SEZ6L: variants seen among roughly 807,000 people sequenced by gnomAD.
SEZ6L encodes seizure related 6 homolog like.
SEZ6L carries 37 observed loss-of-function variants against 106.2 expected under a neutral mutation model. That is an observed-to-expected ratio of 0.35 (90% CI 0.27 to 0.46). The LOEUF is 0.46. Among genes scored for constraint, SEZ6L ranks in the 20% least tolerant of loss-of-function variants. The probability of loss-of-function intolerance (pLI) is 1.00; values close to 1 mark genes in which losing one functional copy is unlikely to be tolerated. For missense variants in SEZ6L, 1,172 were observed against 1,332.8 expected (o/e 0.88, Z 1.88); for synonymous variants, 541 against 570.4 (o/e 0.95, Z 0.73).
intron 1 of SEZ6L, among the ~76,000 whole-genome samples, chr22:26,191,612 G>A (rs1444786134): frequency 2.6e-5 from 4 of 152,110 alleles, no homozygotes; most frequent in Admixed American, 2.0e-4. Context: ...AGGAGGGAGA[G>A]CATCAGGAAG....
chr22:26,380,381 G>T lies in SEZ6L; in HGVS notation c.*86G>T. 1 of 1,041,606 alleles carries T rather than the reference G, an allele frequency of 9.6e-7. No homozygotes were observed. The highest frequency in any genetic ancestry group is 1.4e-5 in the South Asian group (1 of 74,028). 64.5% of individuals were successfully genotyped at this position (1,041,606 alleles called of 1,614,324 possible). ...TCCAGAGACCATGTGGCACTTGATT[G>T]AAACCCCAGAATGTCGACTGTCTTT... On this transcript the variant is annotated 3_prime_UTR_variant, in exon 17 of 17. Transcript: ENST00000248933.
At chr22:26,285,120 C>CT (rs2080894670) in intron 1 of SEZ6L, among the ~76,000 whole-genome samples, 2 of 152,134 alleles carry the variant, frequency 1.3e-5, no homozygotes, top group Non-Finnish European at 2.9e-5. Flanking sequence ...CCACCTCTGC[C>CT]TTTTGTTCCA....
chr22:26,337,566 G>C (rs2082684604), intron 9 of SEZ6L, among the ~76,000 whole-genome samples: 1 of 152,148 alleles, frequency 6.6e-6, no homozygotes, highest in Non-Finnish European at 1.5e-5. Context: ...TATTTTTGCT[G>C]TCAAGTAGAC....
chr22:26,338,557 CA>C (rs869248193), intron 9 of SEZ6L, among the ~76,000 whole-genome samples: 37 of 141,650 alleles, frequency 2.6e-4, no homozygotes, highest in East Asian at 6.2e-4. Flanking sequence ...ACCACCACAC[CA>C]AAAAAAAAAA....
intron 1 of SEZ6L, among the ~76,000 whole-genome samples, chr22:26,235,519 G>A (rs2078931110): frequency 6.6e-6 from 1 of 152,130 alleles, no homozygotes; most frequent in South Asian, 2.1e-4. Flanking sequence ...GGCTATGATG[G>A]GGAAGCACCG....
rs376985726 is a variant in SEZ6L at position 26,270,299 on chromosome 22, T to C, written c.95-22107T>C. Among the ~76,000 whole-genome samples, 30 of 152,298 alleles carry C rather than the reference T, an allele frequency of 2.0e-4. No individual in the cohort carries two copies. The East Asian group carries it at 2.7e-3, about 14-fold the overall frequency. On this transcript the variant is annotated intron_variant, in intron 1 of 16. Transcript: ENST00000248933. ...ATCTTTGTTTCTTCCTGGGTAACAC[T>C]AGACAAGTCACCTTTCCTCCCTGGG...
At chr22:26,263,858 T>A (rs1372149919) in intron 1 of SEZ6L, among the ~76,000 whole-genome samples, 1 of 152,248 alleles carries the variant, frequency 6.6e-6, no homozygotes, top group Non-Finnish European at 1.5e-5. Flanking sequence ...TAAACAGATC[T>A]GTTTTAAATC....
intron 1 of SEZ6L, among the ~76,000 whole-genome samples, chr22:26,241,108 C>T (rs891405747): frequency 3.3e-5 from 5 of 152,128 alleles, no homozygotes; most frequent in Non-Finnish European, 7.3e-5. Context: ...AGATATGTTA[C>T]GTGTTATCCC....
chr22:26,305,937 C>A, intron 5 of SEZ6L, 42 bp from the exon 6 acceptor site: 2 of 1,497,518 alleles, frequency 1.3e-6, no homozygotes, highest in Non-Finnish European at 1.8e-6. Flanking sequence ...CTCTCTCCCT[C>A]TCTGCTCTCT....
intron 1 of SEZ6L, among the ~76,000 whole-genome samples, chr22:26,265,708 C>T (rs981947161): frequency 1.3e-5 from 2 of 152,204 alleles, no homozygotes; most frequent in African/African-American, 4.8e-5. Flanking sequence ...GCACTGGGAA[C>T]TCTGAGTTCT....
intron 1 of SEZ6L, among the ~76,000 whole-genome samples, chr22:26,285,560 T>C (rs2080909890): frequency 6.6e-6 from 1 of 152,178 alleles, no homozygotes; most frequent in Admixed American, 6.5e-5. Flanking sequence ...TTTGGAATCA[T>C]TTTTGGTTGT....
At chr22:26,277,751 A>G (rs2080600387) in intron 1 of SEZ6L, among the ~76,000 whole-genome samples, 1 of 152,224 alleles carries the variant, frequency 6.6e-6, no homozygotes, top group Admixed American at 6.5e-5. Flanking sequence ...CTGGGGGCCT[A>G]CTATGTGTCA....
chr22:26,339,719 T>C (rs1264563370), intron 9 of SEZ6L, among the ~76,000 whole-genome samples: 1 of 152,188 alleles, frequency 6.6e-6, no homozygotes, highest in Non-Finnish European at 1.5e-5. Context: ...TATATAAAAA[T>C]GCAAGTTGTA....
Position 26,356,952 on chromosome 22 carries a change from G to A in SEZ6L, c.2599+5709G>A, listed in dbSNP as rs925344611. ...TCCAACACATCATTGTGTTTCCTCAGAACTTTTTTTTTTTTTTGAGACGGA... is the reference window on the plus strand; with the variant it reads ...TCCAACACATCATTGTGTTTCCTCAAAACTTTTTTTTTTTTTTGAGACGGA... On this transcript the variant is annotated intron_variant, in intron 12 of 16. Transcript: ENST00000248933. 8.9e-5 allele frequency among the ~76,000 whole-genome samples: 12 copies of A among 135,242 alleles called. 1 individual carries two copies. The highest frequency in any genetic ancestry group is 1.3e-4 in the Non-Finnish European group (8 of 63,666). The allele number at this position is 135,242 out of a possible 152,430, so 88.7% of individuals were successfully genotyped here. A position where few individuals can be genotyped will look rare whatever the true frequency, so the allele number is the denominator to read the frequency against.
intron 1 of SEZ6L, among the ~76,000 whole-genome samples, chr22:26,261,912 G>A (rs1352010916): frequency 3.9e-5 from 6 of 152,050 alleles, no homozygotes; most frequent in Admixed American, 2.0e-4. Flanking sequence ...TGGTCAAGGA[G>A]GAGCAACAGA....
rs1601676838 is a variant in SEZ6L, at chr22:26,383,214, G to A, written c.*2919G>A. 6.6e-6 allele frequency: 1 copy of A among 151,932 alleles called. No individual in the cohort carries two copies. Among genetic ancestry groups the A allele is most frequent in the Non-Finnish European group, 1.5e-5 (1 of 68,000 alleles). 9.4% of individuals were successfully genotyped at this position (151,932 alleles called of 1,614,324 possible). Reference sequence around the variant, plus strand: ...CCTTGGAGAGCCTACAGAACCTCAGGCTGATAGCTTTGAAGACTGCCAAAC... The same window carrying A: ...CCTTGGAGAGCCTACAGAACCTCAGACTGATAGCTTTGAAGACTGCCAAAC... On this transcript the variant is annotated 3_prime_UTR_variant, in exon 17 of 17. Transcript: ENST00000248933.
At chr22:26,339,902 C>A (rs1569469651) in intron 9 of SEZ6L, among the ~76,000 whole-genome samples, 1 of 152,108 alleles carries the variant, frequency 6.6e-6, no homozygotes, top group Non-Finnish European at 1.5e-5. Flanking sequence ...TGCAATGAGT[C>A]CCATGCAGCC....
chr22:26,295,934 G>A (rs958442962), intron 3 of SEZ6L, among the ~76,000 whole-genome samples: 1 of 152,136 alleles, frequency 6.6e-6, no homozygotes, highest in Non-Finnish European at 1.5e-5. Flanking sequence ...ATTTTAATGG[G>A]GCTTTGGTGA....
chr22:26,214,024 A>G (rs745837799), intron 1 of SEZ6L, among the ~76,000 whole-genome samples: 20 of 152,286 alleles, frequency 1.3e-4, no homozygotes, highest in African/African-American at 2.4e-4. Context: ...GGACTTCCCA[A>G]TGATGGCCTC....
Sources: allele counts gnomAD v4.1 joint callset (sites outside exome capture counted in the v4.1 genomes callset), GRCh38; gene constraint gnomAD v4.1.1; transcripts MANE v1.5; gene names NCBI Gene and HGNC (gene_info 2026-07-23, HGNC 2026-07-21).